The following STX8 variants were observed in gnomAD, a reference collection of about 807,000 sequenced individuals.
The protein encoded by STX8 is syntaxin 8.
In STX8, 23 loss-of-function variants were observed where a neutral mutation model predicts 37.5. The observed-to-expected ratio is 0.61, with a 90% CI of 0.44 to 0.87. The LOEUF is 0.87. STX8 is among the 40% of genes least tolerant of loss of function. STX8 has a pLI of 0.00. For missense variants in STX8, 313 were observed against 284.7 expected, an observed-to-expected ratio of 1.10 and a Z score of -0.71; for synonymous variants, 115 against 99.1, an observed-to-expected ratio of 1.16 and a Z score of -0.95.
intron 7 of STX8, among the ~76,000 whole-genome samples, chr17:9,362,838 A>AAAAAT (rs1911106764): frequency 2.0e-5 from 3 of 146,416 alleles, no homozygotes; most frequent in Admixed American, 6.8e-5. Context: ...CAAAAAAAAA[A>AAAAAT]AAAAATAAAT....
intron 6 of STX8, among the ~76,000 whole-genome samples, chr17:9,435,916 G>T (rs1027984187): frequency 3.9e-5 from 6 of 152,020 alleles, no homozygotes; most frequent in Admixed American, 6.6e-5. Flanking sequence ...ACAAAAGAGT[G>T]GTATATGGAG....
chr17:9,381,550 A>G (rs1343650172), intron 6 of STX8, among the ~76,000 whole-genome samples: 1 of 152,240 alleles, frequency 6.6e-6, no homozygotes, highest in Non-Finnish European at 1.5e-5. Context: ...CCGTATAGTT[A>G]TATTCTATCG....
At chr17:9,424,468 C>G (rs1354211358) in intron 6 of STX8, among the ~76,000 whole-genome samples, 1 of 152,050 alleles carries the variant, frequency 6.6e-6, no homozygotes, top group African/African-American at 2.4e-5. Flanking sequence ...CCTCCAGGCC[C>G]TCTCTCTGCC....
At chr17:9,473,612 G>A (rs1432377548) in intron 6 of STX8, among the ~76,000 whole-genome samples, 3 of 152,014 alleles carry the variant, frequency 2.0e-5, no homozygotes, top group Non-Finnish European at 2.9e-5. Flanking sequence ...TTAGAGAATC[G>A]TGACAAGAAA....
intron 2 of STX8, among the ~76,000 whole-genome samples, chr17:9,565,766 T>C (rs1310962037): frequency 1.3e-5 from 2 of 152,096 alleles, no homozygotes; most frequent in African/African-American, 2.4e-5. Flanking sequence ...GTGCAGAAGA[T>C]AGAAATTGAA....
chr17:9,250,481 G>T lies in STX8; in HGVS notation c.*97C>A. 1.7e-6 allele frequency: 2 copies of T among 1,155,444 alleles called. No individual in the cohort carries two copies. Among genetic ancestry groups the T allele is most frequent in the Non-Finnish European group, 2.5e-6 (2 of 789,582 alleles). The allele number at this position is 1,155,444 out of a possible 1,614,324, so 71.6% of individuals were successfully genotyped here. A position where few individuals can be genotyped will look rare whatever the true frequency, so the allele number is the denominator to read the frequency against. On this transcript the variant is annotated 3_prime_UTR_variant, in exon 8 of 8. Coordinates refer to ENST00000306357, the MANE Select transcript of STX8 (RefSeq NM_004853.3). Reference sequence around the variant, plus strand: ...GCAATGCACAAGAGGTCAGAGCTTTGGGGGAATTTATTGAGAGCAGGTTTT... The same window carrying T: ...GCAATGCACAAGAGGTCAGAGCTTTTGGGGAATTTATTGAGAGCAGGTTTT...
At chr17:9,341,477 G>GC (rs1395663799) in intron 7 of STX8, among the ~76,000 whole-genome samples, 1 of 152,088 alleles carries the variant, frequency 6.6e-6, no homozygotes, top group Non-Finnish European at 1.5e-5. Context: ...TTGCTCTGTT[G>GC]CCAGGCTAGA....
intron 6 of STX8, chr17:9,461,455 G>T (rs937942030): frequency 3.9e-5 from 6 of 152,188 alleles, no homozygotes; most frequent in Admixed American, 3.3e-4. Context: ...GGGTGCTAGA[G>T]ATAGAGACAG....
chr17:9,313,777 C>T (rs1198208517), intron 7 of STX8, among the ~76,000 whole-genome samples: 9 of 152,152 alleles, frequency 5.9e-5, no homozygotes, highest in Admixed American at 2.0e-4. Flanking sequence ...ACTACAGGCA[C>T]GTGCCACCAC....
chr17:9,381,542 G>A (rs542810081), intron 6 of STX8, among the ~76,000 whole-genome samples: 1 of 152,252 alleles, frequency 6.6e-6, no homozygotes, highest in Admixed American at 6.5e-5. Context: ...TTTATAGACC[G>A]TATAGTTATA....
chr17:9,359,278 G>A (rs949363432), intron 7 of STX8, among the ~76,000 whole-genome samples: 2 of 151,890 alleles, frequency 1.3e-5, no homozygotes, highest in African/African-American at 4.8e-5. Flanking sequence ...CCTGACCTCA[G>A]GTGGAACTAA....
Position 9,538,466 on chromosome 17 carries a change from G to A in STX8, c.323+6706C>T, listed in dbSNP as rs1268698176. Among the ~76,000 whole-genome samples, 5 of 152,254 alleles carry A rather than the reference G, an allele frequency of 3.3e-5. No homozygotes were observed. In the East Asian group the frequency reaches 7.7e-4, roughly 23 times the overall value. ...ACATTCAACGGTTTCAAATGGGGAG[G>A]AGCATTTTTAATGTTAGAATTTAAT... On this transcript the variant is annotated intron_variant, in intron 4 of 7. Transcript: ENST00000306357.
chr17:9,316,127 G>A (rs1006303663), intron 7 of STX8, among the ~76,000 whole-genome samples: 2 of 152,102 alleles, frequency 1.3e-5, no homozygotes, highest in Admixed American at 6.6e-5. Flanking sequence ...CAAAGGACAC[G>A]TGATGACTTG....
At chr17:9,529,523 A>G (rs1905725929) in intron 4 of STX8, among the ~76,000 whole-genome samples, 1 of 152,188 alleles carries the variant, frequency 6.6e-6, no homozygotes, top group African/African-American at 2.4e-5. Flanking sequence ...CCACAGCAAG[A>G]AAAAGAGTAT....
intron 5 of STX8, among the ~76,000 whole-genome samples, chr17:9,501,299 C>G (rs776936877): frequency 6.6e-5 from 10 of 152,200 alleles, no homozygotes; most frequent in Non-Finnish European, 1.5e-4. Context: ...CCTGTACTAT[C>G]TTACTTAATG....
At chr17:9,441,557 C>T (rs564024360) in intron 6 of STX8, among the ~76,000 whole-genome samples, 23 of 151,988 alleles carry the variant, frequency 1.5e-4, no homozygotes, top group Middle Eastern at 3.4e-3. Flanking sequence ...CACTCCTGAT[C>T]GTCCTCATTC....
chr17:9,315,547 C>A (rs1348120625), intron 7 of STX8, among the ~76,000 whole-genome samples: 5 of 152,232 alleles, frequency 3.3e-5, no homozygotes, highest in East Asian at 1.9e-4. Context: ...TTGTTTACTA[C>A]ACATGCACAA....
At chr17:9,574,161 C>T (rs1907798808) in intron 1 of STX8, among the ~76,000 whole-genome samples, 1 of 151,742 alleles carries the variant, frequency 6.6e-6, no homozygotes, top group African/African-American at 2.4e-5. Context: ...GTCCCAGCTA[C>T]TCCAGAGGCT....
chr17:9,420,418 G>A (rs148326118), intron 6 of STX8, among the ~76,000 whole-genome samples: 121 of 152,186 alleles, frequency 8.0e-4, no homozygotes, highest in African/African-American at 2.8e-3. Context: ...ACCTATAGGT[G>A]CCTATCAGTT....
Sources: gnomAD v4.1 joint callset for allele counts (sites outside exome capture counted in the v4.1 genomes callset) on GRCh38, gnomAD v4.1.1 for gene constraint, MANE v1.5 for transcripts, NCBI Gene and HGNC (gene_info 2026-07-23, HGNC 2026-07-21) for gene names.